The following ADAMTSL1 variants were observed in gnomAD, a reference collection of about 807,000 sequenced individuals.
ADAMTSL1 encodes ADAMTS-like protein 1.
ADAMTSL1 carries 126 observed loss-of-function variants against 201.8 expected under a neutral mutation model. The observed-to-expected ratio is 0.62, with a 90% CI of 0.54 to 0.72. The LOEUF (loss-of-function observed/expected upper bound fraction) is 0.72, where lower values mean the gene tolerates loss of function less well. ADAMTSL1 is among the 30% of genes least tolerant of loss of function. ADAMTSL1 has a pLI of 0.00. For synonymous variants in ADAMTSL1, 1,121 were observed against 903.4 expected, an observed-to-expected ratio of 1.24 and a Z score of -4.32; for missense variants, 2,679 against 2,277.8, an observed-to-expected ratio of 1.18 and a Z score of -3.59.
At chr9:18,060,724 C>T (rs185105656) in intron 1 of ADAMTSL1, among the ~76,000 whole-genome samples, 1 of 152,180 alleles carries the variant, frequency 6.6e-6, no homozygotes, top group Non-Finnish European at 1.5e-5. Flanking sequence ...TGCCCCCTAT[C>T]CTGAACTTTT....
In ADAMTSL1 at chr9:18,177,929, G is replaced by A. The variant is rs59491439; in HGVS notation, c.207+13948G>A. ...TAATTGAATAAAATCCCCCAAGTGT[G>A]CACGATGAATACAAAATTCACTTGC... On this transcript the variant is annotated intron_variant, in intron 2 of 29. Coordinates refer to the ADAMTSL1 transcript ENST00000680146. Among the ~76,000 whole-genome samples, 235 of 152,294 alleles carry A rather than the reference G, an allele frequency of 1.5e-3. 1 individual carries two copies. The East Asian group carries it at 0.03, about 20-fold the overall frequency.
At chr9:18,776,754 G>A in intron 18 of ADAMTSL1, 27 bp from the exon 19 acceptor site, 1 of 1,520,042 alleles carries the variant, frequency 6.6e-7, no homozygotes, top group Non-Finnish European at 8.8e-7. Context: ...CTCTTTCTCT[G>A]TCCCTTCGGG....
chr9:18,314,733 G>A (rs1015087272), intron 2 of ADAMTSL1, among the ~76,000 whole-genome samples: 51 of 149,296 alleles, frequency 3.4e-4, no homozygotes, highest in African/African-American at 1.2e-3. Context: ...AGCTTCCACA[G>A]CGTGGAAGGG....
chr9:18,616,533 A>G (rs1056457859), intron 4 of ADAMTSL1, among the ~76,000 whole-genome samples: 2 of 152,178 alleles, frequency 1.3e-5, no homozygotes, highest in Non-Finnish European at 2.9e-5. Context: ...TGATTTATTC[A>G]TTTATTACAC....
At chr9:18,828,858 G>T (rs1201083857) in intron 22 of ADAMTSL1, among the ~76,000 whole-genome samples, 1 of 151,424 alleles carries the variant, frequency 6.6e-6, no homozygotes, top group African/African-American at 2.4e-5. Context: ...TAATTCACCA[G>T]CCCTAACAAG....
intron 2 of ADAMTSL1, among the ~76,000 whole-genome samples, chr9:18,532,988 A>G (rs1328917747): frequency 6.6e-6 from 1 of 152,020 alleles, no homozygotes; most frequent in Non-Finnish European, 1.5e-5. Context: ...ATTTGATTAA[A>G]TATGCACTAA....
chr9:18,834,660 G>A (rs1825200992), intron 23 of ADAMTSL1, among the ~76,000 whole-genome samples: 1 of 151,970 alleles, frequency 6.6e-6, no homozygotes, highest in Non-Finnish European at 1.5e-5. Flanking sequence ...CCCACCCTAG[G>A]TGAACACTGA....
At chr9:18,156,095 C>T (rs1229852290) in intron 1 of ADAMTSL1, among the ~76,000 whole-genome samples, 2 of 151,996 alleles carry the variant, frequency 1.3e-5, no homozygotes, top group Non-Finnish European at 2.9e-5. Context: ...AGAATCGATC[C>T]TCAGAGAGCT....
chr9:18,149,374 G>A (rs972625819), intron 1 of ADAMTSL1, among the ~76,000 whole-genome samples: 1 of 152,034 alleles, frequency 6.6e-6, no homozygotes, highest in Non-Finnish European at 1.5e-5. Flanking sequence ...AAGAAAAAAT[G>A]GTTGGAGACG....
intron 25 of ADAMTSL1, chr9:18,890,876 AG>A (rs1365356413): frequency 6.9e-6 from 2 of 288,822 alleles, no homozygotes; most frequent in Non-Finnish European, 1.4e-5. Flanking sequence ...TTGATGTGCC[AG>A]GAACTTTCTG....
At chr9:18,863,285 G>A (rs1018208782) in intron 23 of ADAMTSL1, among the ~76,000 whole-genome samples, 1 of 152,160 alleles carries the variant, frequency 6.6e-6, no homozygotes, top group Non-Finnish European at 1.5e-5. Flanking sequence ...AAATCTGGAT[G>A]GAGCTACTTT....
At chr9:18,795,021 C>T (rs935469602) in intron 19 of ADAMTSL1, among the ~76,000 whole-genome samples, 3 of 152,154 alleles carry the variant, frequency 2.0e-5, no homozygotes, top group African/African-American at 7.2e-5. Context: ...TGTAACTTTG[C>T]TTTTTCCTTA....
intron 9 of ADAMTSL1, among the ~76,000 whole-genome samples, chr9:18,671,721 T>G (rs981244296): frequency 2.0e-5 from 3 of 152,088 alleles, no homozygotes; most frequent in Non-Finnish European, 4.4e-5. Flanking sequence ...CTTGAAACCA[T>G]GAAAGGATCT....
At chr9:18,203,428 C>T (rs1353916747) in intron 2 of ADAMTSL1, among the ~76,000 whole-genome samples, 1 of 151,440 alleles carries the variant, frequency 6.6e-6, no homozygotes, top group Non-Finnish European at 1.5e-5. Context: ...TTAAAGAATA[C>T]AGGGTCTATG....
In ADAMTSL1 at chr9:18,209,548, C is replaced by G. The variant is rs950977523; in HGVS notation, c.207+45567C>G. On this transcript the variant is annotated intron_variant, in intron 2 of 29. Transcript: ENST00000680146. ...TAATTTTATAAAGCTAAAGGGAGGT[C>G]CCGATAAACTTAATTCTTGACTCTA... Among the ~76,000 whole-genome samples the G allele has an allele frequency of 2.0e-5, 3 of 152,074 alleles. No homozygotes were observed. The East Asian group carries it at 5.8e-4, about 29-fold the overall frequency.
chr9:18,648,538 T>C (rs1348611783), intron 7 of ADAMTSL1, among the ~76,000 whole-genome samples: 2 of 151,678 alleles, frequency 1.3e-5, no homozygotes, highest in Non-Finnish European at 3.0e-5. Context: ...GTTGTTCCTT[T>C]CCATGTTTAG....
intron 2 of ADAMTSL1, among the ~76,000 whole-genome samples, chr9:18,398,921 G>A (rs937915202): frequency 4.6e-5 from 7 of 152,220 alleles, no homozygotes; most frequent in African/African-American, 1.7e-4. Flanking sequence ...AGATGATAAT[G>A]TAGATGGTAC....
At chr9:17,920,375 C>G (rs1040985654) in intron 1 of ADAMTSL1, among the ~76,000 whole-genome samples, 1 of 152,178 alleles carries the variant, frequency 6.6e-6, no homozygotes, top group Admixed American at 6.6e-5. Flanking sequence ...TTCTGTTGAA[C>G]TGGCCTATTT....
rs187100088 is a variant in ADAMTSL1, at chr9:18,366,296, A to T, written c.208-138533A>T. Among the ~76,000 whole-genome samples, 237 of 149,682 alleles carry T rather than the reference A, an allele frequency of 1.6e-3. 5 individuals are homozygous for T. Among genetic ancestry groups the T allele is most frequent in the Admixed American group, 0.015 (228 of 14,912 alleles). On this transcript the variant is annotated intron_variant, in intron 2 of 29. Coordinates refer to the ADAMTSL1 transcript ENST00000680146. Reference sequence around the variant, plus strand: ...TATACAAGTTTTTCATAGCAGAAAAAGATTGAGCGTGCATCAGCTTCCTTA... The same window carrying T: ...TATACAAGTTTTTCATAGCAGAAAATGATTGAGCGTGCATCAGCTTCCTTA...
Sources: allele counts gnomAD v4.1 joint callset (sites outside exome capture counted in the v4.1 genomes callset), GRCh38; gene constraint gnomAD v4.1.1; transcripts MANE v1.5; gene names NCBI Gene and HGNC (gene_info 2026-07-23, HGNC 2026-07-21).